SPOP: variants seen among roughly 807,000 people sequenced by gnomAD.
The protein encoded by SPOP is speckle-type POZ protein.
Under a neutral mutation model 45.6 loss-of-function variants are expected in SPOP, and 11 were observed. That is an observed-to-expected ratio of 0.24 (90% CI 0.15 to 0.40). The LOEUF (loss-of-function observed/expected upper bound fraction) is 0.40, where lower values mean the gene tolerates loss of function less well. Among genes scored for constraint, SPOP ranks in the 10% least tolerant of loss-of-function variants. The pLI, the probability that SPOP is intolerant of heterozygous loss-of-function variation, is 1.00. For synonymous variants in SPOP, 166 were observed against 166.3 expected (o/e 1.00, Z 0.01); for missense variants, 152 against 465.6 (o/e 0.33, Z 6.20).
chr17:49,660,863 G>A (rs1406538546), intron 1 of SPOP, among the ~76,000 whole-genome samples: 1 of 152,208 alleles, frequency 6.6e-6, no homozygotes, highest in Non-Finnish European at 1.5e-5. Context: ...CTACTCGGGA[G>A]GCTGAGGCAG....
chr17:49,608,027 ACTGC>A, intron 6 of SPOP, 98 bp from the exon 7 acceptor site: 11 of 1,056,868 alleles, frequency 1.0e-5, no homozygotes, highest in Non-Finnish European at 1.3e-5. Flanking sequence ...AACCTATCCT[ACTGC>A]TATAGGAAAG....
intron 1 of SPOP, among the ~76,000 whole-genome samples, chr17:49,633,652 T>G (rs750036763): frequency 9.2e-5 from 14 of 152,146 alleles, no homozygotes; most frequent in Non-Finnish European, 1.9e-4. Context: ...AGCAAAATTA[T>G]TTACCCCAAA....
intron 1 of SPOP, among the ~76,000 whole-genome samples, chr17:49,652,080 A>C (rs776310214): frequency 3.3e-5 from 5 of 152,152 alleles, no homozygotes; most frequent in Non-Finnish European, 7.4e-5. Context: ...ATCATCCCTA[A>C]CCTGAAAATC....
At chr17:49,634,360 C>T (rs539501552) in intron 1 of SPOP, among the ~76,000 whole-genome samples, 2 of 152,168 alleles carry the variant, frequency 1.3e-5, no homozygotes, top group South Asian at 4.1e-4. Flanking sequence ...AAGATGCCTC[C>T]TCTAGGCTGA....
chr17:49,624,320 C>A (rs569607942), intron 1 of SPOP, among the ~76,000 whole-genome samples: 1 of 76,052 alleles, frequency 1.3e-5, no homozygotes, highest in African/African-American at 4.8e-5. Context: ...CACACACACA[C>A]GCGCGCGCGC....
chr17:49,633,079 C>G (rs904624906), intron 1 of SPOP, among the ~76,000 whole-genome samples: 4 of 152,120 alleles, frequency 2.6e-5, no homozygotes, highest in African/African-American at 9.7e-5. Context: ...ATAAGGAAAA[C>G]CTAGAAACAA....
chr17:49,663,911 T>C lies in SPOP; in HGVS notation c.-67+14022A>G, dbSNP rs564654827. 9.2e-5 allele frequency among the ~76,000 whole-genome samples: 14 copies of C among 152,366 alleles called. No individual in the cohort carries two copies. The East Asian group carries it at 9.6e-4, about 10-fold the overall frequency. Reference sequence around the variant, plus strand: ...CTACTTGACAGCTTCCCAATACTTATAGACTTTGCTGATGAAATGGGTGGT... The same window carrying C: ...CTACTTGACAGCTTCCCAATACTTACAGACTTTGCTGATGAAATGGGTGGT... On this transcript the variant is annotated intron_variant, in intron 1 of 9. Transcript: ENST00000504102.
chr17:49,631,872 A>T (rs981507303), intron 1 of SPOP, among the ~76,000 whole-genome samples: 2 of 152,304 alleles, frequency 1.3e-5, no homozygotes, highest in South Asian at 4.1e-4. Flanking sequence ...TGACCACCCA[A>T]TCTGAAGCCA....
intron 1 of SPOP, among the ~76,000 whole-genome samples, chr17:49,645,961 T>A (rs1421289243): frequency 6.6e-6 from 1 of 152,018 alleles, no homozygotes; most frequent in Non-Finnish European, 1.5e-5. Context: ...TTTCACTTCT[T>A]AAAGGAAAAG....
chr17:49,642,607 G>GT (rs1157642309), intron 1 of SPOP, among the ~76,000 whole-genome samples: 1 of 152,132 alleles, frequency 6.6e-6, no homozygotes, highest in East Asian at 1.9e-4. Flanking sequence ...AAAAATAATG[G>GT]TTTTTTACTT....
intron 1 of SPOP, among the ~76,000 whole-genome samples, chr17:49,652,451 T>A (rs2072855646): frequency 6.6e-6 from 1 of 152,202 alleles, no homozygotes; most frequent in Admixed American, 6.5e-5. Context: ...ATTACCAATG[T>A]CTTTGTGTGG....
intron 1 of SPOP, among the ~76,000 whole-genome samples, chr17:49,649,475 G>A (rs1271399336): frequency 6.6e-6 from 1 of 151,298 alleles, no homozygotes; most frequent in East Asian, 2.0e-4. Context: ...GGGGGAGGTT[G>A]CAGTGAGCTA....
At chr17:49,669,094 T>C (rs2073102857) in intron 1 of SPOP, among the ~76,000 whole-genome samples, 1 of 127,576 alleles carries the variant, frequency 7.8e-6, no homozygotes, top group Non-Finnish European at 1.6e-5. Flanking sequence ...TTGAGATGAG[T>C]CTTGCTCTGT....
intron 1 of SPOP, among the ~76,000 whole-genome samples, chr17:49,634,142 A>C (rs1212009424): frequency 1.3e-5 from 2 of 152,228 alleles, no homozygotes; most frequent in Non-Finnish European, 2.9e-5. Flanking sequence ...CAAAGGGGCT[A>C]TTTCACTTCA....
chr17:49,610,707 G>A (rs947015256), intron 6 of SPOP, among the ~76,000 whole-genome samples: 2 of 152,152 alleles, frequency 1.3e-5, no homozygotes, highest in Non-Finnish European at 1.5e-5. Flanking sequence ...AGAAGTATAC[G>A]GTGATTGTTA....
chr17:49,630,318 T>A (rs2072427028), intron 1 of SPOP, among the ~76,000 whole-genome samples: 1 of 152,194 alleles, frequency 6.6e-6, no homozygotes, highest in Non-Finnish European at 1.5e-5. Context: ...AGGTAATCTT[T>A]TCTTTCTCAT....
chr17:49,628,246 T>C (rs1363909317), intron 1 of SPOP, among the ~76,000 whole-genome samples: 2 of 152,232 alleles, frequency 1.3e-5, no homozygotes, highest in African/African-American at 2.4e-5. Context: ...AGGCTGAACA[T>C]ATACCACCAT....
chr17:49,668,738 T>C (rs1396270020), intron 1 of SPOP, among the ~76,000 whole-genome samples: 5 of 150,584 alleles, frequency 3.3e-5, no homozygotes, highest in Non-Finnish European at 7.4e-5. Flanking sequence ...TATATTGACA[T>C]ATATATAGAC....
At chr17:49,615,067 C>T (rs1165424578) in intron 5 of SPOP, among the ~76,000 whole-genome samples, 1 of 152,072 alleles carries the variant, frequency 6.6e-6, no homozygotes, top group African/African-American at 2.4e-5. Flanking sequence ...CTATGTTGCC[C>T]AGGCTGGTCT....
Sources: allele counts gnomAD v4.1 joint callset (sites outside exome capture counted in the v4.1 genomes callset), GRCh38; gene constraint gnomAD v4.1.1; transcripts MANE v1.5; gene names NCBI Gene and HGNC (gene_info 2026-07-23, HGNC 2026-07-21).